The following TNRC6B variants were observed in gnomAD, a reference collection of about 807,000 sequenced individuals.
The protein encoded by TNRC6B is trinucleotide repeat-containing gene 6B protein.
A neutral mutation model predicts 203.6 loss-of-function variants in TNRC6B; 52 were observed. The ratio of observed to expected loss-of-function variants is 0.26; its 90% CI spans 0.20 to 0.32. The LOEUF is 0.32. TNRC6B is among the 10% of genes least tolerant of loss of function. TNRC6B has a pLI of 1.00. For missense variants in TNRC6B, 1,923 were observed against 2,286.2 expected (o/e 0.84, Z 3.24); for synonymous variants, 838 against 845.7 (o/e 0.99, Z 0.16).
chr22:40,253,522 TGG>T, intron 3 of TNRC6B: 3 of 450,682 alleles, frequency 6.7e-6, no homozygotes, highest in Admixed American at 2.4e-5. Flanking sequence ...TTTTTCCAAT[TGG>T]GGGCTTTCTC....
Position 40,177,927 on chromosome 22 carries a change from A to T in TNRC6B, c.-209A>T, listed in dbSNP as rs960110414. 4.5e-5 allele frequency: 61 copies of T among 1,349,986 alleles called. No homozygotes were observed. The highest frequency in any genetic ancestry group is 3.6e-5 in the Admixed American group (1 of 27,822). 83.6% of individuals were successfully genotyped at this position (1,349,986 alleles called of 1,614,324 possible). A position where few individuals can be genotyped will look rare whatever the true frequency, so the allele number is the denominator to read the frequency against. On this transcript the variant is annotated 5_prime_UTR_variant, in exon 1 of 23. Coordinates refer to ENST00000454349, the MANE Select transcript of TNRC6B (RefSeq NM_001162501.2). ...GGTCACAAAAAGCTGCTTCCTTTAG[A>T]GACAGAGAGGGAGAGAGAGAGCAAG...
chr22:40,154,888 TATATATAC>T (rs1181426203), intron 3 of TNRC6B, among the ~76,000 whole-genome samples: 1,208 of 46,180 alleles, frequency 0.026, 68 homozygotes, highest in African/African-American at 0.069. Context: ...TATATATATA[TATATATAC>T]ATATATATAT....
chr22:40,211,620 G>T lies in TNRC6B; in HGVS notation c.5+33480G>T, dbSNP rs115959408. On this transcript the variant is annotated intron_variant, in intron 1 of 22. Transcript: ENST00000454349. ...TCTTAGAGGCCTAAGTTACTAGGAA[G>T]CCTCGGACTCCTCCCTTCTCTATAT... is the stretch of plus-strand genomic sequence containing the variant. Among the ~76,000 whole-genome samples, 18 of 152,252 alleles carry T rather than the reference G, an allele frequency of 1.2e-4. No individual in the cohort carries two copies. The East Asian group carries it at 3.5e-3, about 29-fold the overall frequency.
At position 40,308,549 on chromosome 22, in the gene TNRC6B, T is replaced by A. The variant is rs2071126183; in HGVS notation, c.4158T>A (p.Gly1386=). 6.2e-7 allele frequency: 1 copy of A among 1,613,946 alleles called. No individual in the cohort carries two copies. The highest frequency in any genetic ancestry group is 1.3e-5 in the African/African-American group (1 of 75,012). ...SSGGMDYGMV[G]GKEAGTESRF... Reference sequence around the variant, plus strand: ...GCGGCATGGACTATGGCATGGTTGGTGGGAAGGAGGCTGGAACCGAGTCTC... The same window carrying A: ...GCGGCATGGACTATGGCATGGTTGGAGGGAAGGAGGCTGGAACCGAGTCTC... The change falls in exon 16 of 23, where the codon GGT becomes GGA. Residue 1386 remains glycine (G), a synonymous_variant. Transcript: ENST00000454349.
Position 40,329,725 on chromosome 22 carries a change from T to C in TNRC6B, c.*6484T>C, listed in dbSNP as rs1253443119. 2 of 152,164 alleles carry C rather than the reference T, an allele frequency of 1.3e-5. No individual in the cohort carries two copies. The highest frequency in any genetic ancestry group is 2.9e-5 in the Non-Finnish European group (2 of 68,040). The allele number at this position is 152,164 out of a possible 1,614,324, so 9.4% of individuals were successfully genotyped here. A position where few individuals can be genotyped will look rare whatever the true frequency, so the allele number is the denominator to read the frequency against. Reference sequence around the variant, plus strand: ...CCACCGGGACCAGATCCCGAGTGATTGTGGCATACCCCTAATATTTGAGTA... The same window carrying C: ...CCACCGGGACCAGATCCCGAGTGATCGTGGCATACCCCTAATATTTGAGTA... On this transcript the variant is annotated 3_prime_UTR_variant, in exon 23 of 23. Coordinates refer to ENST00000454349, the MANE Select transcript of TNRC6B (RefSeq NM_001162501.2).
At chr22:40,281,779 G>A (rs1601486781) in intron 11 of TNRC6B, among the ~76,000 whole-genome samples, 1 of 152,192 alleles carries the variant, frequency 6.6e-6, no homozygotes, top group Non-Finnish European at 1.5e-5. Flanking sequence ...ACCCGGAGAA[G>A]GGTAACTTTA....
intron 21 of TNRC6B, among the ~76,000 whole-genome samples, chr22:40,320,548 A>C (rs2071321507): frequency 6.6e-6 from 1 of 152,214 alleles, no homozygotes; most frequent in Non-Finnish European, 1.5e-5. Flanking sequence ...TGTTCATCCA[A>C]CTCATAGGTT....
intron 12 of TNRC6B, among the ~76,000 whole-genome samples, chr22:40,287,602 C>T (rs1044443339): frequency 1.3e-5 from 2 of 152,158 alleles, no homozygotes; most frequent in African/African-American, 2.4e-5. Context: ...TAGACAGAGC[C>T]ATTTCTGACT....
chr22:40,246,180 A>G, intron 2 of TNRC6B, 78 bp downstream of exon 2: 1 of 1,130,116 alleles, frequency 8.8e-7, no homozygotes. Context: ...CTTGGCTTGA[A>G]TATCCGATAT....
intron 1 of TNRC6B, among the ~76,000 whole-genome samples, chr22:40,080,838 T>G (rs12169543): frequency 1.7e-5 from 2 of 118,236 alleles, no homozygotes; most frequent in African/African-American, 9.7e-5. Context: ...TTCTTTTTTG[T>G]TTTTTTTTTT....
chr22:40,237,111 G>A (rs2069958471), intron 1 of TNRC6B, among the ~76,000 whole-genome samples: 1 of 152,190 alleles, frequency 6.6e-6, no homozygotes, highest in East Asian at 1.9e-4. Context: ...GCTGCAGTGA[G>A]CTGAGATTGT....
chr22:40,159,442 A>G (rs1244454770), intron 4 of TNRC6B, among the ~76,000 whole-genome samples: 1 of 147,272 alleles, frequency 6.8e-6, no homozygotes, highest in African/African-American at 2.5e-5. Flanking sequence ...GATCGAGACC[A>G]TCCTGGTTAA....
intron 1 of TNRC6B, among the ~76,000 whole-genome samples, chr22:40,217,972 CAAAA>C (rs138025): frequency 1.8e-5 from 2 of 112,732 alleles, no homozygotes; most frequent in East Asian, 5.0e-4. Context: ...GACTCCATCT[CAAAA>C]AAAAAAAAAA....
chr22:40,298,311 C>A (rs139907), intron 12 of TNRC6B, among the ~76,000 whole-genome samples: 150,280 of 152,284 alleles, frequency 0.99, 74,161 homozygotes, highest in Middle Eastern at 1. Context: ...AGGCATTGTT[C>A]ATGAAAGCAC....
intron 1 of TNRC6B, among the ~76,000 whole-genome samples, chr22:40,070,196 A>G (rs972204871): frequency 7.2e-5 from 11 of 152,182 alleles, no homozygotes; most frequent in Non-Finnish European, 1.5e-4. Flanking sequence ...ATTTATTCGT[A>G]TAATAAAATC....
At chr22:40,045,545 C>G (rs908460950) in intron 1 of TNRC6B, 1 of 152,192 alleles carries the variant, frequency 6.6e-6, no homozygotes, top group Non-Finnish European at 1.5e-5. Flanking sequence ...ATCCTCGGGT[C>G]CCTGCGCAGC....
intron 12 of TNRC6B, among the ~76,000 whole-genome samples, chr22:40,299,914 C>A (rs1268322750): frequency 6.6e-6 from 1 of 152,220 alleles, no homozygotes; most frequent in African/African-American, 2.4e-5. Context: ...GGAGAAGGAC[C>A]CTGCCGGGTC....
At chr22:40,297,849 GCAGTGGTTCACGCCTGTAAT>G (rs2070965166) in intron 12 of TNRC6B, among the ~76,000 whole-genome samples, 1 of 149,340 alleles carries the variant, frequency 6.7e-6, no homozygotes, top group African/African-American at 2.5e-5. Context: ...TAGGCCGGGT[GCAGTGGTTCACGCCTGTAAT>G]CCCAGCACTT....
chr22:40,108,460 C>G (rs185784708), intron 1 of TNRC6B, among the ~76,000 whole-genome samples: 1 of 152,280 alleles, frequency 6.6e-6, no homozygotes, highest in East Asian at 1.9e-4. Flanking sequence ...CTTGCTTAGA[C>G]CATTTTCTTT....
Sources: allele counts gnomAD v4.1 joint callset (sites outside exome capture counted in the v4.1 genomes callset), GRCh38; gene constraint gnomAD v4.1.1; transcripts MANE v1.5; gene names NCBI Gene and HGNC (gene_info 2026-07-23, HGNC 2026-07-21).